SEMA3D: variants seen among roughly 807,000 people sequenced by gnomAD.
SEMA3D encodes the protein semaphorin-3D.
In SEMA3D, 84 loss-of-function variants were observed where a neutral mutation model predicts 100.1. The ratio of observed to expected loss-of-function variants is 0.84; its 90% CI spans 0.70 to 1.01. The LOEUF (loss-of-function observed/expected upper bound fraction) is 1.01, where lower values mean the gene tolerates loss of function less well. SEMA3D is among the 50% of genes least tolerant of loss of function. The probability of loss-of-function intolerance (pLI) is 0.00; values close to 1 mark genes in which losing one functional copy is unlikely to be tolerated. For missense variants in SEMA3D, 875 were observed against 934.1 expected (o/e 0.94, Z 0.82); for synonymous variants, 312 against 320.7 (o/e 0.97, Z 0.29).
rs2115806717 is a variant in SEMA3D at position 85,015,235 on chromosome 7, A to G, written c.1546-19T>C. Reference sequence around the variant, plus strand: ...ATTGTTGCTGCAAATCGGGCAAAACAAATGAATTAGAAGCATCTTTCAGAC... The same window carrying G: ...ATTGTTGCTGCAAATCGGGCAAAACGAATGAATTAGAAGCATCTTTCAGAC... On this transcript the variant is annotated intron_variant, in intron 15 of 18. Transcript: ENST00000284136. The G allele has an allele frequency of 6.3e-7, 1 of 1,599,844 alleles. No individual in the cohort carries two copies. Among genetic ancestry groups the G allele is most frequent in the African/African-American group, 1.3e-5 (1 of 74,682 alleles).
Position 85,143,260 on chromosome 7 carries a change from C to T in SEMA3D, c.-41+10348G>A, listed in dbSNP as rs1297911741. The T allele has an allele frequency of 2.2e-5, 12 of 551,110 alleles. 1 individual carries two copies. The South Asian group carries it at 8.7e-4, about 40-fold the overall frequency. 34.1% of individuals were successfully genotyped at this position (551,110 alleles called of 1,614,324 possible). A position where few individuals can be genotyped will look rare whatever the true frequency, so the allele number is the denominator to read the frequency against. On this transcript the variant is annotated intron_variant, in intron 2 of 18. Coordinates refer to ENST00000284136, the MANE Select transcript of SEMA3D (RefSeq NM_001384900.1). ...AAATGTTAATACTTTTATTATAATT[C>T]CAGTGATTTCAAAGTGATTAAAAAT...
At chr7:85,116,045 A>G (rs1789230732) in intron 3 of SEMA3D, among the ~76,000 whole-genome samples, 1 of 151,732 alleles carries the variant, frequency 6.6e-6, no homozygotes, top group Admixed American at 6.6e-5. Context: ...ATTAATTTGT[A>G]TTTACCCAAT....
At chr7:85,214,643 C>A in the SEMA3D span, among the ~76,000 whole-genome samples, 1 of 151,946 alleles carries the variant, frequency 6.6e-6, no homozygotes, top group Admixed American at 6.6e-5. Flanking sequence ...ATTATAGGCA[C>A]GTGACACCAC....
At chr7:85,146,206 A>G (rs551435050) in intron 2 of SEMA3D, among the ~76,000 whole-genome samples, 3 of 152,262 alleles carry the variant, frequency 2.0e-5, no homozygotes, top group African/African-American at 7.2e-5. Flanking sequence ...ATATACACAT[A>G]TGTATACATA....
chr7:85,017,218 G>A lies in SEMA3D; in HGVS notation c.1545+1034C>T, dbSNP rs1197033934. On this transcript the variant is annotated intron_variant, in intron 15 of 18. Coordinates refer to ENST00000284136, the MANE Select transcript of SEMA3D (RefSeq NM_001384900.1). Reference sequence around the variant, plus strand: ...TATGACATCCTTCATAATTCAAGCTGTATGTCTCTTCTTTCAGTTATCTTT... The same window carrying A: ...TATGACATCCTTCATAATTCAAGCTATATGTCTCTTCTTTCAGTTATCTTT... Among the ~76,000 whole-genome samples the A allele has an allele frequency of 4.0e-5, 6 of 151,580 alleles. No individual in the cohort carries two copies. In the East Asian group the frequency reaches 1.2e-3, roughly 30 times the overall value.
rs142871947 is a variant in SEMA3D, at chr7:84,999,260, T to C, written c.*180A>G. 938 of 572,834 alleles carry C rather than the reference T, an allele frequency of 1.6e-3. 4 individuals carry two copies. The highest frequency in any genetic ancestry group is 0.013 in the African/African-American group (722 of 53,752). 35.5% of individuals were successfully genotyped at this position (572,834 alleles called of 1,614,324 possible). ...TGTGCAAGATTTGTTCTTGGAAAAC[T>C]GGTTCAAATGAATTTTTTGCCCTTT... On this transcript the variant is annotated 3_prime_UTR_variant, in exon 19 of 19. Coordinates refer to ENST00000284136, the MANE Select transcript of SEMA3D (RefSeq NM_001384900.1).
rs1789492513 is a variant in SEMA3D, at chr7:84,996,082, A to G, written c.*3358T>C. The G allele has an allele frequency of 6.6e-6, 1 of 151,804 alleles. No individual in the cohort carries two copies. Among genetic ancestry groups the G allele is most frequent in the African/African-American group, 2.4e-5 (1 of 41,408 alleles). 9.4% of individuals were successfully genotyped at this position (151,804 alleles called of 1,614,324 possible). A position where few individuals can be genotyped will look rare whatever the true frequency, so the allele number is the denominator to read the frequency against. Reference sequence around the variant, plus strand: ...TGACATTCTAAAGGGAGGCTATTTCAGTTTTGATTTCCATTTGTATTATAT... The same window carrying G: ...TGACATTCTAAAGGGAGGCTATTTCGGTTTTGATTTCCATTTGTATTATAT... On this transcript the variant is annotated 3_prime_UTR_variant, in exon 19 of 19. Coordinates refer to ENST00000284136, the MANE Select transcript of SEMA3D (RefSeq NM_001384900.1).
intron 12 of SEMA3D, among the ~76,000 whole-genome samples, chr7:85,023,368 C>CT (rs796251868): frequency 8.7e-4 from 131 of 151,116 alleles, no homozygotes; most frequent in South Asian, 2.9e-3. Context: ...TATAATTAGA[C>CT]TTTTTTTTTC....
chr7:85,175,174 G>A (rs1287672430), intron 1 of SEMA3D, among the ~76,000 whole-genome samples: 2 of 152,148 alleles, frequency 1.3e-5, no homozygotes, highest in Non-Finnish European at 2.9e-5. Flanking sequence ...GAGTGAAAGT[G>A]CACAGGATAT....
chr7:85,210,502 A>C, the SEMA3D span, among the ~76,000 whole-genome samples: 1 of 152,234 alleles, frequency 6.6e-6, no homozygotes, highest in African/African-American at 2.4e-5. Flanking sequence ...ACAATGATGA[A>C]GGATTCTATG....
At chr7:85,162,078 C>T (rs1402900299) in intron 1 of SEMA3D, among the ~76,000 whole-genome samples, 7 of 151,616 alleles carry the variant, frequency 4.6e-5, no homozygotes, top group Non-Finnish European at 5.9e-5. Context: ...ATTTGTAAAA[C>T]GTGTTTTTTT....
chr7:85,045,327 A>G (rs1349332472), intron 9 of SEMA3D, among the ~76,000 whole-genome samples: 1 of 152,024 alleles, frequency 6.6e-6, no homozygotes, highest in Non-Finnish European at 1.5e-5. Context: ...TGCCAGGCCA[A>G]AGTGTCTGTA....
At chr7:85,143,103 GTACCTA>G in intron 2 of SEMA3D, 1 of 949,016 alleles carries the variant, frequency 1.1e-6, no homozygotes, top group Non-Finnish European at 1.3e-6. Context: ...ATGACAATGA[GTACCTA>G]TCACATAGCT....
intron 4 of SEMA3D, among the ~76,000 whole-genome samples, chr7:85,083,566 C>T (rs1157763693): frequency 1.3e-5 from 2 of 152,122 alleles, no homozygotes; most frequent in Non-Finnish European, 1.5e-5. Flanking sequence ...TTGCATCGGC[C>T]GGGCGCGGTG....
chr7:85,154,612 G>A (rs1485640791), intron 1 of SEMA3D, among the ~76,000 whole-genome samples: 1 of 152,090 alleles, frequency 6.6e-6, no homozygotes, highest in African/African-American at 2.4e-5. Context: ...ATGAAGTAAT[G>A]GTCAGGATGG....
chr7:85,236,253 A>G, the SEMA3D span, among the ~76,000 whole-genome samples: 3 of 149,252 alleles, frequency 2.0e-5, no homozygotes, highest in Non-Finnish European at 2.9e-5. Flanking sequence ...TTTGTTGGCT[A>G]GATGATTTAG....
At position 85,144,630 on chromosome 7, in the gene SEMA3D, C is replaced by T. The variant is rs1790149059; in HGVS notation, c.-41+8978G>A. Reference sequence around the variant, plus strand: ...ATTTATACACATATATACATTTTTTCCTTTGGGAACTGGCCTGCAATATCC... The same window carrying T: ...ATTTATACACATATATACATTTTTTTCTTTGGGAACTGGCCTGCAATATCC... On this transcript the variant is annotated intron_variant, in intron 2 of 18. Coordinates refer to ENST00000284136, the MANE Select transcript of SEMA3D (RefSeq NM_001384900.1). The T allele has an allele frequency of 1.9e-5, 19 of 984,496 alleles. 1 individual carries two copies. The South Asian group carries it at 8.5e-4, about 44-fold the overall frequency. 61.0% of individuals were successfully genotyped at this position (984,496 alleles called of 1,614,324 possible). A position where few individuals can be genotyped will look rare whatever the true frequency, so the allele number is the denominator to read the frequency against.
the SEMA3D span, among the ~76,000 whole-genome samples, chr7:85,215,639 G>A: frequency 0.01 from 1,560 of 151,054 alleles, 28 homozygotes; most frequent in African/African-American, 0.036. Flanking sequence ...TTGTTTCTGC[G>A]GATTATAACT....
rs117246583 is a variant in SEMA3D at position 85,114,878 on chromosome 7, A to G, written c.151+6863T>C. Among the ~76,000 whole-genome samples the G allele has an allele frequency of 5.1e-3, 778 of 152,272 alleles. 4 individuals are homozygous for G. The highest frequency in any genetic ancestry group is 8.1e-3 in the Non-Finnish European group (552 of 68,014). ...AAAACATACATTAATACAAGCTATT[A>G]TTTTCAGATGATAATTTATATATTT... On this transcript the variant is annotated intron_variant, in intron 3 of 18. Coordinates refer to ENST00000284136, the MANE Select transcript of SEMA3D (RefSeq NM_001384900.1).
Sources: gnomAD v4.1 joint callset for allele counts (sites outside exome capture counted in the v4.1 genomes callset) on GRCh38, gnomAD v4.1.1 for gene constraint, MANE v1.5 for transcripts, NCBI Gene and HGNC (gene_info 2026-07-23, HGNC 2026-07-21) for gene names.